The following SUN1 variants were observed in gnomAD, a reference collection of about 807,000 sequenced individuals.
SUN1 encodes SUN domain-containing protein 1.
A neutral mutation model predicts 103.2 loss-of-function variants in SUN1; 61 were observed. The observed-to-expected ratio is 0.59, with a 90% CI of 0.48 to 0.73. The LOEUF (loss-of-function observed/expected upper bound fraction) is 0.73, where lower values mean the gene tolerates loss of function less well. Among genes scored for constraint, SUN1 ranks in the 30% least tolerant of loss-of-function variants. SUN1 has a pLI of 0.00. For synonymous variants in SUN1, 490 were observed against 425.7 expected (o/e 1.15, Z -1.86); for missense variants, 1,052 against 1,034.6 (o/e 1.02, Z -0.23).
chr7:873,532 G>T lies in SUN1; in HGVS notation c.*201G>T, dbSNP rs1245243857. Reference sequence around the variant, plus strand: ...GGTGCTCACTGCCTCTGCAGGTGCAGAGGGGTCAGCAGCAGGAGAAGCGTG... The same window carrying T: ...GGTGCTCACTGCCTCTGCAGGTGCATAGGGGTCAGCAGCAGGAGAAGCGTG... On this transcript the variant is annotated 3_prime_UTR_variant, in exon 19 of 19. Transcript: ENST00000401592. 7 of 556,506 alleles carry T rather than the reference G, an allele frequency of 1.3e-5. No individual in the cohort carries two copies. Among genetic ancestry groups the T allele is most frequent in the Non-Finnish European group, 2.2e-5 (7 of 314,614 alleles). The allele number at this position is 556,506 out of a possible 1,614,324, so 34.5% of individuals were successfully genotyped here. A position where few individuals can be genotyped will look rare whatever the true frequency, so the allele number is the denominator to read the frequency against.
chr7:863,883 C>T (rs1228381816), intron 15 of SUN1, among the ~76,000 whole-genome samples: 1 of 152,120 alleles, frequency 6.6e-6, no homozygotes, highest in Non-Finnish European at 1.5e-5. Context: ...ATTGTGTGTC[C>T]TAAAGCAGTT....
chr7:837,365 T>G (rs1047696333), intron 1 of SUN1, among the ~76,000 whole-genome samples: 2 of 152,220 alleles, frequency 1.3e-5, no homozygotes, highest in African/African-American at 4.8e-5. Flanking sequence ...TGAGTTAACC[T>G]CGTGTGCCTT....
intron 17 of SUN1, among the ~76,000 whole-genome samples, chr7:870,887 C>CTTTTTTTT (rs59711259): frequency 9.9e-6 from 1 of 101,082 alleles, no homozygotes; most frequent in African/African-American, 4.3e-5. Context: ...TATTTTCTTT[C>CTTTTTTTT]TTTTTTTTTT....
intron 5 of SUN1, among the ~76,000 whole-genome samples, chr7:844,182 C>A (rs774949097): frequency 6.6e-6 from 1 of 152,220 alleles, no homozygotes; most frequent in Non-Finnish European, 1.5e-5. Flanking sequence ...GGCTTCCAGG[C>A]GGGACTGGGA....
intron 15 of SUN1, among the ~76,000 whole-genome samples, chr7:865,751 T>C (rs1835981832): frequency 6.6e-6 from 1 of 152,242 alleles, no homozygotes; most frequent in Admixed American, 6.5e-5. Context: ...CAGCATTTGT[T>C]ACTGCCTGTC....
intron 11 of SUN1, among the ~76,000 whole-genome samples, chr7:855,736 G>T (rs1826528242): frequency 6.6e-6 from 1 of 152,248 alleles, no homozygotes; most frequent in African/African-American, 2.4e-5. Context: ...GCCTGCGAGG[G>T]TCTGCGGGGC....
chr7:852,985 T>C (rs748121681), intron 9 of SUN1, 33 bp downstream of exon 9: 1 of 1,593,570 alleles, frequency 6.3e-7, no homozygotes, highest in African/African-American at 1.3e-5. Flanking sequence ...CAGCTGGCAC[T>C]GCACATGTGA....
intron 15 of SUN1, among the ~76,000 whole-genome samples, chr7:865,512 A>T (rs1028188160): frequency 2.0e-5 from 3 of 152,202 alleles, no homozygotes; most frequent in South Asian, 4.1e-4. Context: ...TTGCTTCCAG[A>T]TGTGAGCTAC....
intron 7 of SUN1, 118 bp from the exon 8 acceptor site, chr7:852,491 C>A (rs752390127): frequency 1.1e-5 from 13 of 1,231,364 alleles, no homozygotes; most frequent in Non-Finnish European, 1.5e-5. Flanking sequence ...AAAACCGTAA[C>A]TGCTTTTCTA....
intron 15 of SUN1, among the ~76,000 whole-genome samples, chr7:862,552 C>G (rs183496726): frequency 6.6e-6 from 1 of 152,094 alleles, no homozygotes; most frequent in Non-Finnish European, 1.5e-5. Flanking sequence ...ATATTAAGTG[C>G]TTTTAGTTAT....
intron 5 of SUN1, chr7:849,784 G>A (rs1042702517): frequency 1.2e-5 from 13 of 1,117,904 alleles, no homozygotes; most frequent in Middle Eastern, 2.5e-4. Context: ...CCACCAGATC[G>A]CATTTGCTTT....
intron 3 of SUN1, chr7:842,548 GC>G (rs1338916877): frequency 1.9e-5 from 4 of 205,876 alleles, no homozygotes; most frequent in African/African-American, 9.5e-5. Flanking sequence ...CAGTGAAGCA[GC>G]CAGGGTTAGA....
chr7:818,258 C>G (rs191449475), intron 1 of SUN1, among the ~76,000 whole-genome samples: 57 of 152,308 alleles, frequency 3.7e-4, no homozygotes, highest in African/African-American at 1.3e-3. Context: ...TTGGGCTGTT[C>G]TGGACATTTC....
At chr7:836,718 C>T (rs991871435) in intron 1 of SUN1, among the ~76,000 whole-genome samples, 7 of 152,186 alleles carry the variant, frequency 4.6e-5, no homozygotes, top group Admixed American at 1.3e-4. Flanking sequence ...TTACTGTCAT[C>T]CAGAAATAAC....
At chr7:869,099 T>C in intron 16 of SUN1, 1 of 506,908 alleles carries the variant, frequency 2.0e-6, no homozygotes, top group South Asian at 2.3e-5. Flanking sequence ...AAGTATGTTG[T>C]ATGTCTCACC....
chr7:852,097 C>A, intron 7 of SUN1, 54 bp downstream of exon 7: 1 of 1,406,266 alleles, frequency 7.1e-7, no homozygotes, highest in Non-Finnish European at 1.0e-6. Context: ...AATTTTGTGC[C>A]AATTGCAGGC....
chr7:842,253 GCTGTGGCCACAT>G, intron 3 of SUN1, 123 bp downstream of exon 3: 1 of 1,079,654 alleles, frequency 9.3e-7, no homozygotes, highest in Non-Finnish European at 1.3e-6. Flanking sequence ...GGAGAGGGAG[GCTGTGGCCACAT>G]TGTGGGTTTG....
In SUN1 at chr7:841,480, G is replaced by T. The variant is rs1022024756; in HGVS notation, c.267-466G>T. Among the ~76,000 whole-genome samples, 16 of 152,194 alleles carry T rather than the reference G, an allele frequency of 1.1e-4. No individual in the cohort carries two copies. In the East Asian group the frequency reaches 3.1e-3, roughly 29 times the overall value. ...GATGGTCTCGATCTCCTGACCTCGT[G>T]ATTTGCCCATTTCGGCCTCCCAAAG... On this transcript the variant is annotated intron_variant, in intron 2 of 18. Transcript: ENST00000401592.
rs1839695206 is a variant in SUN1, at chr7:869,246, A to G, written c.1981-103A>G. ...TTGCTCATGGCAGTTTCTACCATGT[A>G]AAACTTATTTTTATCTCAGTATAAT... On this transcript the variant is annotated intron_variant, in intron 16 of 18. Coordinates refer to ENST00000401592, the MANE Select transcript of SUN1 (RefSeq NM_001130965.3). 12 of 1,425,358 alleles carry G rather than the reference A, an allele frequency of 8.4e-6. No individual in the cohort carries two copies. In the South Asian group the frequency reaches 1.6e-4, roughly 19 times the overall value. 88.3% of individuals were successfully genotyped at this position (1,425,358 alleles called of 1,614,324 possible).
Sources: gnomAD v4.1 joint callset for allele counts (sites outside exome capture counted in the v4.1 genomes callset) on GRCh38, gnomAD v4.1.1 for gene constraint, MANE v1.5 for transcripts, NCBI Gene and HGNC (gene_info 2026-07-23, HGNC 2026-07-21) for gene names.